Variants in HSF2BP observed in about 807,000 individuals in gnomAD.
The protein encoded by HSF2BP is heat shock transcription factor 2 binding protein.
Under a neutral mutation model 35.0 loss-of-function variants are expected in HSF2BP, and 35 were observed. The observed-to-expected ratio is 1.00, with a 90% CI of 0.76 to 1.32. HSF2BP has a LOEUF of 1.32. HSF2BP is among the 40% of genes most tolerant of loss of function. The pLI, the probability that HSF2BP is intolerant of heterozygous loss-of-function variation, is 0.00. For synonymous variants in HSF2BP, 114 were observed against 117.4 expected, an observed-to-expected ratio of 0.97 and a Z score of 0.18; for missense variants, 326 against 321.7, an observed-to-expected ratio of 1.01 and a Z score of -0.10.
intron 6 of HSF2BP, among the ~76,000 whole-genome samples, chr21:43,616,058 T>C (rs2082266905): frequency 1.3e-5 from 2 of 148,944 alleles, no homozygotes; most frequent in South Asian, 4.2e-4. Flanking sequence ...AAAAAATATA[T>C]ATATATATAT....
chr21:43,585,720 T>A (rs2081841740), intron 8 of HSF2BP, among the ~76,000 whole-genome samples: 1 of 151,730 alleles, frequency 6.6e-6, no homozygotes, highest in Admixed American at 6.6e-5. Flanking sequence ...AGTAGAGCCA[T>A]CAGGATTTCC....
chr21:43,604,949 ATACACCACACACACAC>A (rs2082111651), intron 7 of HSF2BP, among the ~76,000 whole-genome samples: 1 of 122,540 alleles, frequency 8.2e-6, no homozygotes, highest in Admixed American at 8.5e-5. Flanking sequence ...ATCACACACC[ATACACCACACACACAC>A]TACACACCAC....
chr21:43,605,090 ACACACATACATCACACACAT>A (rs907481557), intron 7 of HSF2BP, among the ~76,000 whole-genome samples: 2 of 142,076 alleles, frequency 1.4e-5, no homozygotes, highest in African/African-American at 5.3e-5. Context: ...ACATAACACA[ACACACATACATCACACACAT>A]CACACACACA....
At chr21:43,627,636 G>C (rs1246615860) in intron 6 of HSF2BP, among the ~76,000 whole-genome samples, 1 of 152,162 alleles carries the variant, frequency 6.6e-6, no homozygotes, top group Admixed American at 6.5e-5. Context: ...AAACACTCCT[G>C]AGAGATGTTT....
chr21:43,622,548 T>C (rs974592046), intron 6 of HSF2BP, among the ~76,000 whole-genome samples: 64 of 152,094 alleles, frequency 4.2e-4, no homozygotes, highest in African/African-American at 1.4e-3. Context: ...CAAAATAGAC[T>C]ACAAGTCAAA....
chr21:43,656,164 T>C (rs1025961355), intron 3 of HSF2BP, among the ~76,000 whole-genome samples: 1 of 152,242 alleles, frequency 6.6e-6, no homozygotes, highest in African/African-American at 2.4e-5. Context: ...CAATCAGTTC[T>C]AGATACTGGC....
rs894676306 is a variant in HSF2BP at position 43,597,389 on chromosome 21, G to C, written c.693-5061C>G. 1.4e-4 allele frequency among the ~76,000 whole-genome samples: 22 copies of C among 152,238 alleles called. No homozygotes were observed. Among genetic ancestry groups the C allele is most frequent in the African/African-American group, 5.3e-4 (22 of 41,456 alleles). On this transcript the variant is annotated intron_variant, in intron 7 of 8. Coordinates refer to ENST00000291560, the MANE Select transcript of HSF2BP (RefSeq NM_007031.2). This position sits in a 1 kb window ranked among gnomAD's most constrained non-coding sequence, Gnocchi z 4.3. ...AACTAGCACAGCCGGCTAGGATGAG[G>C]AGAGTAAGCCACTTGCTTTGGGTGT...
chr21:43,639,945 A>C (rs964063124), intron 4 of HSF2BP, among the ~76,000 whole-genome samples: 1 of 152,190 alleles, frequency 6.6e-6, no homozygotes, highest in African/African-American at 2.4e-5. Flanking sequence ...ACATATACAT[A>C]CCATGGAATA....
intron 3 of HSF2BP, among the ~76,000 whole-genome samples, chr21:43,647,807 T>C (rs114296761): frequency 0.039 from 5,985 of 151,738 alleles, 415 homozygotes; most frequent in African/African-American, 0.14. Flanking sequence ...TACACGCCCA[T>C]AGTCCCAGCT....
chr21:43,637,566 A>G (rs949259456), intron 4 of HSF2BP, among the ~76,000 whole-genome samples: 4 of 151,980 alleles, frequency 2.6e-5, no homozygotes, highest in African/African-American at 9.7e-5. Context: ...ATTTTAAGGA[A>G]CCAAGGTGGG....
At chr21:43,647,422 G>C (rs999055847) in intron 3 of HSF2BP, among the ~76,000 whole-genome samples, 6 of 151,914 alleles carry the variant, frequency 3.9e-5, no homozygotes, top group African/African-American at 1.5e-4. Flanking sequence ...GTAGAGATGG[G>C]GTTTCACTAT....
intron 7 of HSF2BP, among the ~76,000 whole-genome samples, chr21:43,595,726 ATTTTT>A (rs770855952): frequency 0.014 from 787 of 58,288 alleles, 3 homozygotes; most frequent in African/African-American, 0.045. Context: ...TAAGAGGCTA[ATTTTT>A]TTTTTTTTTT....
At chr21:43,591,172 T>C (rs978108020) in intron 8 of HSF2BP, among the ~76,000 whole-genome samples, 6 of 152,210 alleles carry the variant, frequency 3.9e-5, no homozygotes, top group Non-Finnish European at 7.3e-5. Context: ...TTAAAAATTA[T>C]GATGAAATTG....
At chr21:43,630,908 T>C (rs1835112291) in intron 5 of HSF2BP, among the ~76,000 whole-genome samples, 1 of 152,214 alleles carries the variant, frequency 6.6e-6, no homozygotes, top group Non-Finnish European at 1.5e-5. Flanking sequence ...GCAAAAAGCA[T>C]TTCCAAGTTT....
chr21:43,651,521 C>T (rs2082785940), intron 3 of HSF2BP, among the ~76,000 whole-genome samples: 1 of 152,142 alleles, frequency 6.6e-6, no homozygotes, highest in African/African-American at 2.4e-5. Context: ...CTACACTCAC[C>T]TATAAAAACC....
intron 7 of HSF2BP, among the ~76,000 whole-genome samples, chr21:43,604,445 C>T (rs1336867210): frequency 1.3e-4 from 17 of 134,912 alleles, no homozygotes; most frequent in African/African-American, 2.5e-4. Flanking sequence ...ACACACACCA[C>T]GCACACACCA....
At chr21:43,651,945 C>T (rs1334996765) in intron 3 of HSF2BP, among the ~76,000 whole-genome samples, 1 of 152,236 alleles carries the variant, frequency 6.6e-6, no homozygotes. Flanking sequence ...AAGCCCCATT[C>T]GCTACTTGAT....
chr21:43,636,799 G>A (rs376666421), intron 4 of HSF2BP, among the ~76,000 whole-genome samples: 1 of 148,100 alleles, frequency 6.8e-6, no homozygotes, highest in Non-Finnish European at 1.5e-5. Context: ...GGCTGAGGCA[G>A]AAGAATTGCT....
the HSF2BP span, among the ~76,000 whole-genome samples, chr21:43,501,286 G>A: frequency 8.0e-6 from 1 of 124,240 alleles, no homozygotes; most frequent in Non-Finnish European, 1.7e-5. Context: ...TCTGAATGGC[G>A]TAATGAAATC....
Sources: allele counts gnomAD v4.1 joint callset (sites outside exome capture counted in the v4.1 genomes callset), GRCh38; gene constraint gnomAD v4.1.1; non-coding constraint Gnocchi (gnomAD v3.1); transcripts MANE v1.5; gene names NCBI Gene and HGNC (gene_info 2026-07-23, HGNC 2026-07-21).